The following SAMMSON variants were observed in gnomAD, a reference collection of about 807,000 sequenced individuals.
SAMMSON encodes survival associated mitochondrial melanoma specific oncogenic non-coding RNA.
chr3:70,349,139 C>T (rs1702773553), intron 7 of SAMMSON, among the ~76,000 whole-genome samples: 1 of 152,070 alleles, frequency 6.6e-6, no homozygotes, highest in South Asian at 2.1e-4. Flanking sequence ...CTTTGGGAGG[C>T]CGAGGTGGGA....
intron 4 of SAMMSON, among the ~76,000 whole-genome samples, chr3:70,119,055 A>T (rs1264180413): frequency 1.3e-5 from 2 of 151,728 alleles, no homozygotes; most frequent in Non-Finnish European, 2.9e-5. Context: ...TAAGAAAACT[A>T]CTCTTATTTA....
intron 4 of SAMMSON, among the ~76,000 whole-genome samples, chr3:70,202,608 A>G (rs1400295010): frequency 6.6e-6 from 1 of 152,114 alleles, no homozygotes; most frequent in Non-Finnish European, 1.5e-5. Context: ...TTAAACCTGA[A>G]TTAAAGAAGG....
chr3:70,143,198 A>T (rs561290858), intron 4 of SAMMSON, among the ~76,000 whole-genome samples: 88 of 152,272 alleles, frequency 5.8e-4, no homozygotes, highest in African/African-American at 2.1e-3. Flanking sequence ...TTAGAAAGTA[A>T]CATAATTTAT....
At chr3:70,089,539 G>A (rs1367217405) in intron 4 of SAMMSON, among the ~76,000 whole-genome samples, 1 of 151,680 alleles carries the variant, frequency 6.6e-6, no homozygotes, top group Non-Finnish European at 1.5e-5. Context: ...CAGATGGACG[G>A]GGGGTGGGGG....
chr3:70,413,756 A>G (rs1422160157), intron 2 of SAMMSON, among the ~76,000 whole-genome samples: 1 of 152,126 alleles, frequency 6.6e-6, no homozygotes, highest in Non-Finnish European at 1.5e-5. Flanking sequence ...ATTTAGGGAA[A>G]ATAATAGGCA....
chr3:70,361,825 G>C (rs944754541), intron 9 of SAMMSON, among the ~76,000 whole-genome samples: 1 of 152,124 alleles, frequency 6.6e-6, no homozygotes, highest in Non-Finnish European at 1.5e-5. Flanking sequence ...CATTTTCACC[G>C]CAAGTGAAGA....
chr3:70,145,543 A>G lies in SAMMSON; in HGVS notation n.507+73978A>G, dbSNP rs368594748. ...ATAAAACCAGAAACCAATAAGAGAA[A>G]GATAACAGAAAAAACTCCAAACACT... On this transcript the variant is annotated intron_variant and non_coding_transcript_variant, in intron 4 of 9. Transcript: ENST00000642114. 1.3e-4 allele frequency among the ~76,000 whole-genome samples: 20 copies of G among 152,276 alleles called. 1 individual carries two copies. Among genetic ancestry groups the G allele is most frequent in the African/African-American group, 4.8e-4 (20 of 41,580 alleles).
chr3:70,109,234 C>T (rs1232002934), intron 4 of SAMMSON, among the ~76,000 whole-genome samples: 1 of 152,146 alleles, frequency 6.6e-6, no homozygotes, highest in Non-Finnish European at 1.5e-5. Flanking sequence ...AAACACAAGT[C>T]TACCTGTGTC....
intron 3 of SAMMSON, among the ~76,000 whole-genome samples, chr3:70,028,174 C>T (rs201962207): frequency 5.1e-5 from 7 of 136,180 alleles, no homozygotes; most frequent in Non-Finnish European, 1.1e-4. Context: ...TTCCTTCCTT[C>T]CTTCCTTCCT....
intron 9 of SAMMSON, among the ~76,000 whole-genome samples, chr3:70,388,538 A>G (rs1701005998): frequency 6.6e-6 from 1 of 152,158 alleles, no homozygotes; most frequent in African/African-American, 2.4e-5. Flanking sequence ...TATTTCTACA[A>G]TATAGTCTGC....
intron 3 of SAMMSON, among the ~76,000 whole-genome samples, chr3:70,044,880 A>G (rs959622856): frequency 6.8e-6 from 1 of 146,714 alleles, no homozygotes; most frequent in African/African-American, 2.5e-5. Flanking sequence ...TTTAAATAAA[A>G]TACTTTAATT....
intron 3 of SAMMSON, among the ~76,000 whole-genome samples, chr3:70,066,541 G>A (rs1484203564): frequency 6.6e-6 from 1 of 152,086 alleles, no homozygotes; most frequent in East Asian, 1.9e-4. Flanking sequence ...TCTTTTACAA[G>A]TTGAAATGTA....
chr3:70,260,985 T>C (rs1701860444), intron 6 of SAMMSON, among the ~76,000 whole-genome samples: 2 of 152,178 alleles, frequency 1.3e-5, no homozygotes, highest in Non-Finnish European at 2.9e-5. Flanking sequence ...GCAGAACTTG[T>C]GGGCCCCAGG....
At chr3:70,407,234 A>G (rs1263083228) in intron 2 of SAMMSON, among the ~76,000 whole-genome samples, 1 of 152,204 alleles carries the variant, frequency 6.6e-6, no homozygotes, top group Non-Finnish European at 1.5e-5. Context: ...CATCCAAGCC[A>G]TAATTTTCTA....
chr3:70,376,266 C>T (rs929507316), intron 9 of SAMMSON, among the ~76,000 whole-genome samples: 2 of 152,180 alleles, frequency 1.3e-5, no homozygotes, highest in Non-Finnish European at 2.9e-5. Flanking sequence ...GTTAACTAAG[C>T]GTTGTCTCCA....
At chr3:70,090,277 G>T (rs2067300573) in intron 4 of SAMMSON, among the ~76,000 whole-genome samples, 1 of 152,112 alleles carries the variant, frequency 6.6e-6, no homozygotes, top group Non-Finnish European at 1.5e-5. Context: ...AAATCTTAGG[G>T]TGGCAAATAC....
intron 6 of SAMMSON, among the ~76,000 whole-genome samples, chr3:70,288,803 C>T (rs1702195952): frequency 1.3e-5 from 2 of 151,792 alleles, no homozygotes; most frequent in African/African-American, 4.8e-5. Flanking sequence ...GATCCCTTTA[C>T]CATTATGTAA....
chr3:70,131,529 T>C (rs909663936), intron 4 of SAMMSON, among the ~76,000 whole-genome samples: 31 of 152,184 alleles, frequency 2.0e-4, no homozygotes, highest in African/African-American at 7.2e-4. Context: ...TCTTCTCTTA[T>C]TTATCTTACT....
intron 4 of SAMMSON, among the ~76,000 whole-genome samples, chr3:70,180,054 A>T (rs1701040898): frequency 1.3e-5 from 2 of 151,396 alleles, no homozygotes; most frequent in South Asian, 2.1e-4. Context: ...GAAGAAAAAA[A>T]TGGGTAGAAA....
Sources: gnomAD v4.1 joint callset for allele counts (sites outside exome capture counted in the v4.1 genomes callset) on GRCh38, gnomAD v4.1.1 for gene constraint, MANE v1.5 for transcripts, NCBI Gene and HGNC (gene_info 2026-07-23, HGNC 2026-07-21) for gene names.